The following DMD variants were observed in gnomAD, a reference collection of about 807,000 sequenced individuals.
DMD encodes the protein dystrophin.
In DMD, 63 loss-of-function variants were observed where a neutral mutation model predicts 330.1. The observed-to-expected ratio is 0.19, with a 90% CI of 0.16 to 0.24. The LOEUF (loss-of-function observed/expected upper bound fraction) is 0.24, where lower values mean the gene tolerates loss of function less well. Ranked by LOEUF, DMD falls within the 10% of genes least tolerant of loss-of-function variation. The probability of loss-of-function intolerance (pLI) is 1.00; values close to 1 mark genes in which losing one functional copy is unlikely to be tolerated. For synonymous variants in DMD, 1,223 were observed against 959.8 expected, an observed-to-expected ratio of 1.27 and a Z score of -5.07; for missense variants, 3,344 against 2,684.1, an observed-to-expected ratio of 1.25 and a Z score of -5.43.
At chrX:31,929,423 C>G (rs1325443203) in intron 47 of DMD, among the ~76,000 whole-genome samples, 173 bp downstream of exon 47, 1 of 111,482 alleles carries the variant, frequency 9.0e-6, no homozygotes, top group Non-Finnish European at 1.9e-5. Context: ...ATCATTTTTT[C>G]TAGCCACAAC....
intron 44 of DMD, among the ~76,000 whole-genome samples, chrX:32,189,370 C>A (rs868625279): frequency 7.5e-4 from 61 of 81,779 alleles, no homozygotes; most frequent in East Asian, 8.2e-4. Context: ...CAGCAAACTA[C>A]AAAAAAAAAA....
At chrX:31,247,482 C>T (rs936604134) in intron 63 of DMD, among the ~76,000 whole-genome samples, 1 of 109,553 alleles carries the variant, frequency 9.1e-6, no homozygotes, top group African/African-American at 3.3e-5. Flanking sequence ...CGCCTGTAGT[C>T]CCAGCTACTC....
In DMD at chrX:32,448,625, T is replaced by A; in HGVS notation, c.3617A>T (p.Glu1206Val). Residue 1206 changes from glutamate to valine, a missense_variant, in exon 27 of 79, where the codon GAG becomes GTG. Transcript: ENST00000357033. ...CACTTTCGCTTCTTTTTGTTGGGCCTCTTCTTTAGCTCTCTGAAAAATAAA... is the reference window on the plus strand; with the variant it reads ...CACTTTCGCTTCTTTTTGTTGGGCCACTTCTTTAGCTCTCTGAAAAATAAA... ...AVEEMKRAKE[E>V]AQQKEAKVKL... 1 of 1,205,753 alleles carries A rather than the reference T, an allele frequency of 8.3e-7. No homozygotes were observed. The highest frequency in any genetic ancestry group is 1.1e-6 in the Non-Finnish European group (1 of 891,902).
chrX:31,950,797 A>G (rs1180852739), intron 45 of DMD, among the ~76,000 whole-genome samples: 1 of 109,806 alleles, frequency 9.1e-6, no homozygotes, highest in Non-Finnish European at 1.9e-5. Flanking sequence ...TAGTATTGTC[A>G]CTTCATTTTT....
At chrX:31,187,329 A>G (rs1858331373) in intron 67 of DMD, among the ~76,000 whole-genome samples, 1 of 112,173 alleles carries the variant, frequency 8.9e-6, no homozygotes, top group East Asian at 2.8e-4. Context: ...TTATCTGTCC[A>G]TGCCTCTTCA....
intron 55 of DMD, among the ~76,000 whole-genome samples, chrX:31,607,812 AGACGGTAT>A (rs1356794640): frequency 8.9e-6 from 1 of 112,442 alleles, no homozygotes; most frequent in Non-Finnish European, 1.9e-5. Context: ...ATTTTTATGT[AGACGGTAT>A]GACTTAGATT....
chrX:32,667,058 C>CAT (rs2061349038), intron 9 of DMD, among the ~76,000 whole-genome samples: 1 of 110,286 alleles, frequency 9.1e-6, no homozygotes, highest in Admixed American at 9.7e-5. Flanking sequence ...GACATTATGG[C>CAT]ATATATGCAA....
At chrX:32,649,463 G>C (rs1157340412) in intron 9 of DMD, among the ~76,000 whole-genome samples, 1 of 107,533 alleles carries the variant, frequency 9.3e-6, no homozygotes, top group African/African-American at 3.4e-5. Flanking sequence ...TGAGGTAGGA[G>C]GAGAAAGGCG....
chrX:32,698,205 G>A lies in DMD; in HGVS notation c.832-207C>T, dbSNP rs181239215. 1.9e-4 allele frequency among the ~76,000 whole-genome samples: 21 copies of A among 111,461 alleles called. No individual in the cohort carries two copies. In the East Asian group the frequency reaches 2.8e-3, roughly 15 times the overall value. On this transcript the variant is annotated intron_variant, in intron 8 of 78. Transcript: ENST00000357033. ...CTTAATATCATGTTGGAGAGTAAATGATCTGGGAAGATATGAGCATGCTAT... is the reference window on the plus strand; with the variant it reads ...CTTAATATCATGTTGGAGAGTAAATAATCTGGGAAGATATGAGCATGCTAT...
chrX:31,197,672 T>C (rs906431081), intron 67 of DMD, among the ~76,000 whole-genome samples: 7 of 111,265 alleles, frequency 6.3e-5, no homozygotes, highest in Non-Finnish European at 1.1e-4. Context: ...CTCTCATAGG[T>C]GAAGCATATT....
chrX:32,255,900 A>G (rs1432012809), intron 43 of DMD, among the ~76,000 whole-genome samples: 1 of 111,914 alleles, frequency 8.9e-6, no homozygotes, highest in Non-Finnish European at 1.9e-5. Context: ...TACTGCATCA[A>G]GTGAGAGACT....
chrX:31,141,945 A>C (rs937190453), intron 76 of DMD, among the ~76,000 whole-genome samples: 2 of 111,279 alleles, frequency 1.8e-5, no homozygotes, highest in East Asian at 5.6e-4. Context: ...ATCTGGCATA[A>C]AACATTTAAC....
chrX:32,384,761 G>A (rs1286424539), intron 33 of DMD, among the ~76,000 whole-genome samples: 1 of 110,602 alleles, frequency 9.0e-6, no homozygotes, highest in Non-Finnish European at 1.9e-5. Context: ...TCTAAGATGA[G>A]GTGACAATTT....
chrX:33,272,590 C>T (rs979037881), intron 1 of DMD, among the ~76,000 whole-genome samples: 1 of 109,265 alleles, frequency 9.2e-6, no homozygotes. Context: ...TGGTTGAAAC[C>T]ACATGTTGTG....
chrX:32,565,886 TA>T lies in DMD; in HGVS notation c.1813-6del. ...TTCTAGATCCGCTTTTAAAACCTGT[TA>T]AAACAAGAAAGATCACAGAATAAGC... is the stretch of plus-strand genomic sequence containing the variant. On this transcript the variant is annotated splice_region_variant and splice_polypyrimidine_tract_variant and intron_variant, in intron 15 of 78. Coordinates refer to ENST00000357033, the MANE Select transcript of DMD (RefSeq NM_004006.3). 8.3e-7 allele frequency: 1 copy of T among 1,205,717 alleles called. No homozygotes were observed. Among genetic ancestry groups the T allele is most frequent in the Non-Finnish European group, 1.1e-6 (1 of 890,906 alleles).
chrX:31,206,984 T>C (rs1348348292), intron 65 of DMD, among the ~76,000 whole-genome samples: 1 of 110,873 alleles, frequency 9.0e-6, no homozygotes, highest in African/African-American at 3.3e-5. Flanking sequence ...TCTATTCACC[T>C]ATGGAAAGCC....
intron 60 of DMD, among the ~76,000 whole-genome samples, chrX:31,384,964 T>A (rs990547717): frequency 5.3e-5 from 6 of 112,466 alleles, no homozygotes; most frequent in African/African-American, 1.6e-4. Flanking sequence ...ATCAAGTCTG[T>A]TCTTAAAATG....
intron 1 of DMD, among the ~76,000 whole-genome samples, chrX:33,333,022 A>G (rs2054201899): frequency 1.8e-5 from 2 of 110,897 alleles, no homozygotes; most frequent in African/African-American, 6.5e-5. Flanking sequence ...CAGGAAAAAG[A>G]AAGTCCTTTA....
chrX:32,707,748 G>A (rs962098283), intron 7 of DMD, among the ~76,000 whole-genome samples: 3 of 111,589 alleles, frequency 2.7e-5, no homozygotes, highest in African/African-American at 6.5e-5. Flanking sequence ...CTAAACCCAG[G>A]AGAACAGACA....
Sources: allele counts gnomAD v4.1 joint callset (sites outside exome capture counted in the v4.1 genomes callset), GRCh38; gene constraint gnomAD v4.1.1; transcripts MANE v1.5; gene names NCBI Gene and HGNC (gene_info 2026-07-23, HGNC 2026-07-21).